TCOF1: variants seen among roughly 807,000 people sequenced by gnomAD.
The protein encoded by TCOF1 is treacle protein.
A neutral mutation model predicts 149.0 loss-of-function variants in TCOF1; 33 were observed. The observed-to-expected ratio is 0.22, with a 90% confidence interval of 0.17 to 0.30. The LOEUF is 0.30. Ranked by LOEUF, TCOF1 falls within the 10% of genes least tolerant of loss-of-function variation. The pLI is 1.00. For synonymous variants in TCOF1, 789 were observed against 738.8 expected, an observed-to-expected ratio of 1.07 and a Z score of -1.10; for missense variants, 1,728 against 1,840.7, an observed-to-expected ratio of 0.94 and a Z score of 1.12.
At chr5:150,374,844 C>T (rs1287328887) in intron 9 of TCOF1, 33 bp downstream of exon 9, 2 of 1,606,560 alleles carry the variant, frequency 1.2e-6, no homozygotes, top group African/African-American at 1.3e-5. Flanking sequence ...AGAGTAGCCC[C>T]ATGCCTAAAC....
Position 150,375,750 on chromosome 5 carries a change from C to G in TCOF1, c.1734C>G (p.Ala578=). ...QEKSLGNILQ[A]KPTSSPAKGP... Reference sequence around the variant, plus strand: ...AGTCCTTGGGGAACATCCTCCAGGCCAAACCCACCTCCAGTCCTGCCAAGG... The same window carrying G: ...AGTCCTTGGGGAACATCCTCCAGGCGAAACCCACCTCCAGTCCTGCCAAGG... The change falls in exon 12 of 27, where the codon GCC becomes GCG. Residue 578 remains alanine (A), a synonymous_variant. Coordinates refer to ENST00000643257, the MANE Select transcript of TCOF1 (RefSeq NM_001371623.1). 1 of 1,614,262 alleles carries G rather than the reference C, an allele frequency of 6.2e-7. No individual in the cohort carries two copies. The highest frequency in any genetic ancestry group is 8.5e-7 in the Non-Finnish European group (1 of 1,180,050).
chr5:150,369,381 G>A lies in TCOF1; in HGVS notation c.566-148G>A, dbSNP rs1324468550. 12 of 862,172 alleles carry A rather than the reference G, an allele frequency of 1.4e-5. No individual in the cohort carries two copies. In the East Asian group the frequency reaches 1.8e-4, roughly 13 times the overall value. The allele number at this position is 862,172 out of a possible 1,614,324, so 53.4% of individuals were successfully genotyped here. Reference sequence around the variant, plus strand: ...GTGATGGTACCCACCTCAGAAGGGGGCTTCACAGCTCAGTGCATGTGAGGC... The same window carrying A: ...GTGATGGTACCCACCTCAGAAGGGGACTTCACAGCTCAGTGCATGTGAGGC... On this transcript the variant is annotated intron_variant, in intron 5 of 26. Coordinates refer to ENST00000643257, the MANE Select transcript of TCOF1 (RefSeq NM_001371623.1).
At chr5:150,388,351 G>T (rs1450644367) in intron 18 of TCOF1, among the ~76,000 whole-genome samples, 4 of 152,202 alleles carry the variant, frequency 2.6e-5, no homozygotes, top group East Asian at 3.8e-4. Flanking sequence ...CAGGGACCAG[G>T]TTCCTACATA....
intron 17 of TCOF1, among the ~76,000 whole-genome samples, chr5:150,381,939 T>C (rs1765296644): frequency 6.6e-6 from 1 of 152,176 alleles, no homozygotes; most frequent in South Asian, 2.1e-4. Context: ...CTCACACCTG[T>C]AATCCCAGCA....
chr5:150,359,423 G>A (rs1451385832), intron 1 of TCOF1, among the ~76,000 whole-genome samples: 1 of 152,184 alleles, frequency 6.6e-6, no homozygotes, highest in Non-Finnish European at 1.5e-5. Context: ...TGGAGGCAGG[G>A]GCTGGCTGGA....
intron 25 of TCOF1, 81 bp from the exon 26 acceptor site, chr5:150,398,941 A>G (rs1269635854): frequency 1.3e-5 from 21 of 1,599,910 alleles, no homozygotes; most frequent in Non-Finnish European, 1.8e-5. Flanking sequence ...AGGGGAATTC[A>G]CTAGTCCTCA....
At chr5:150,383,321 A>G in intron 17 of TCOF1, 2 of 703,616 alleles carry the variant, frequency 2.8e-6, no homozygotes, top group Non-Finnish European at 4.6e-6. Context: ...CTATTGTGAC[A>G]TTCATCTGAG....
At chr5:150,368,252 T>C in intron 4 of TCOF1, 1 of 392,236 alleles carries the variant, frequency 2.5e-6, no homozygotes, top group East Asian at 5.6e-5. Context: ...CTGTGCTAGG[T>C]GTGGAGGCAC....
At position 150,392,000 on chromosome 5, in the gene TCOF1, G is replaced by A. The variant is rs754347280; in HGVS notation, c.3341G>A (p.Ser1114Asn). The change falls in exon 21 of 27, where the codon AGC becomes AAC. Residue 1114 changes from serine to asparagine, a missense_variant. This residue lies in a region of TCOF1 where 1,696 missense variants were observed against 1,765.4 expected (regional missense o/e 0.96). Transcript: ENST00000643257. ...VGTLPATSPQ[S>N]TSVQAKGTNK... ...ACACTCCCTGCAACAAGTCCCCAGA[G>A]CACCTCCGTCCAGGCCAAAGGGACC... 1 of 1,614,224 alleles carries A rather than the reference G, an allele frequency of 6.2e-7. No homozygotes were observed. The highest frequency in any genetic ancestry group is 1.1e-5 in the South Asian group (1 of 91,090).
chr5:150,376,172 G>A lies in TCOF1; in HGVS notation c.1984G>A (p.Gly662Ser), dbSNP rs1763750543. The change falls in exon 13 of 27, where the codon GGC (glycine) becomes AGC (serine). Residue 662 changes from glycine to serine, a missense_variant. By Grantham distance (56) the Gly-to-Ser change is moderately conservative. Around this residue, in one of 2 missense-constraint regions of TCOF1, gnomAD observed 1,696 missense variants for 1,765.4 expected, o/e 0.96. Transcript: ENST00000643257. ...ASAKVAPVRV[G>S]TQAPRKAGTA... ...TGCCAAGGTCGCCCCTGTGCGAGTG[G>A]GCACCCAAGCCCCCCGGAAAGCAGG... is the stretch of plus-strand genomic sequence containing the variant. 1.2e-6 allele frequency: 2 copies of A among 1,614,172 alleles called. No individual in the cohort carries two copies. Among genetic ancestry groups the A allele is most frequent in the East Asian group, 4.5e-5 (2 of 44,876 alleles).
Position 150,396,597 on chromosome 5 carries a change from A to G in TCOF1, c.4100A>G (p.Lys1367Arg). ...ARTPRSKKKK[K>R]LGAGEGGEAS... ...ACCCCCAGGAGCAAGAAGAAGAAGA[A>G]GCTGGGGGCCGGGGAAGGTGGGGAG... Residue 1367 changes from lysine (K) to arginine (R), a missense_variant, in exon 24 of 27, where the codon AAG (lysine) becomes AGG (arginine). Lys to Arg is a conservative substitution (Grantham distance 26). Transcript: ENST00000643257. 6.3e-7 allele frequency: 1 copy of G among 1,583,444 alleles called. No homozygotes were observed. The highest frequency in any genetic ancestry group is 1.1e-5 in the South Asian group (1 of 88,040).
At chr5:150,375,949 G>T in intron 12 of TCOF1, 40 bp downstream of exon 12, 3 of 1,613,994 alleles carry the variant, frequency 1.9e-6, no homozygotes, top group Non-Finnish European at 2.5e-6. Context: ...GGCCTGATCT[G>T]CCACACCACA....
intron 8 of TCOF1, 91 bp from the exon 9 acceptor site, chr5:150,374,526 C>G: frequency 6.3e-7 from 1 of 1,591,090 alleles, no homozygotes; most frequent in Non-Finnish European, 8.6e-7. Context: ...TGTGTGGCAT[C>G]ATTTGCCCTA....
intron 17 of TCOF1, among the ~76,000 whole-genome samples, chr5:150,385,513 C>T (rs1334168037): frequency 6.6e-6 from 1 of 152,162 alleles, no homozygotes; most frequent in Non-Finnish European, 1.5e-5. Flanking sequence ...TTCTCAGTCC[C>T]CTGGAGTGGG....
At position 150,379,359 on chromosome 5, in the gene TCOF1, G is replaced by A. The variant is rs1764513379; in HGVS notation, c.2609G>A (p.Ser870Asn). 1 of 1,614,230 alleles carries A rather than the reference G, an allele frequency of 6.2e-7. No homozygotes were observed. Among genetic ancestry groups the A allele is most frequent in the Admixed American group, 1.7e-5 (1 of 60,022 alleles). The change falls in exon 16 of 27, where the codon AGC becomes AAC. Residue 870 changes from serine (S) to asparagine (N), a missense_variant. Ser to Asn is a conservative substitution (Grantham distance 46). Around this residue, in one of 2 missense-constraint regions of TCOF1, gnomAD observed 1,696 missense variants for 1,765.4 expected, o/e 0.96. Transcript: ENST00000643257. ...AQTGPEEDSG[S>N]SEEESDSEEE... ...ACAGGGCCAGAGGAGGACTCAGGGA[G>A]CAGTGAGGAGGAGTCAGACAGTGAG...
intron 18 of TCOF1, 78 bp downstream of exon 18, chr5:150,388,166 T>A: frequency 6.3e-7 from 1 of 1,586,094 alleles, no homozygotes; most frequent in East Asian, 2.3e-5. Flanking sequence ...GACAGGACAC[T>A]GGCTGAGTCA....
At chr5:150,378,400 AAAC>A (rs546129397) in intron 14 of TCOF1, among the ~76,000 whole-genome samples, 58 of 152,274 alleles carry the variant, frequency 3.8e-4, no homozygotes, top group African/African-American at 1.2e-3. Context: ...AGAAAACCTT[AAAC>A]AACAAGTATC....
At chr5:150,392,898 C>A in intron 22 of TCOF1, 108 bp downstream of exon 22, 2 of 1,341,104 alleles carry the variant, frequency 1.5e-6, no homozygotes, top group South Asian at 1.2e-5. Context: ...CCCCTCTCTT[C>A]ACAGAGGCCT....
At position 150,375,369 on chromosome 5, in the gene TCOF1, A is replaced by G. The variant is rs1414449150; in HGVS notation, c.1519A>G (p.Lys507Glu). The G allele has an allele frequency of 6.2e-7, 1 of 1,612,134 alleles. No individual in the cohort carries two copies. Among genetic ancestry groups the G allele is most frequent in the Admixed American group, 1.7e-5 (1 of 60,010 alleles). Residue 507 changes from lysine to glutamate, a missense_variant, in exon 11 of 27, where the codon AAA becomes GAA. Coordinates refer to ENST00000643257, the MANE Select transcript of TCOF1 (RefSeq NM_001371623.1). ...VKPLGKSPQV[K>E]PASTMGMGPL... The stretch of plus-strand genomic sequence containing the variant: ...GCCCTTGGGGAAAAGCCCCCAGGTG[A>G]AACCTGCCTCTACCATGGGCATGGG...
Sources: allele counts gnomAD v4.1 joint callset (sites outside exome capture counted in the v4.1 genomes callset), GRCh38; gene constraint gnomAD v4.1.1; regional missense constraint gnomAD v4.1.1; transcripts MANE v1.5; gene names NCBI Gene and HGNC (gene_info 2026-07-23, HGNC 2026-07-21).